CD46: variants seen among roughly 807,000 people sequenced by gnomAD.
CD46 encodes the protein membrane cofactor protein.
A neutral mutation model predicts 53.3 loss-of-function variants in CD46; 30 were observed. The observed-to-expected ratio is 0.56, with a 90% CI of 0.42 to 0.76. The LOEUF is 0.76. Among genes scored for constraint, CD46 ranks in the 30% least tolerant of loss-of-function variants. The probability of loss-of-function intolerance (pLI) is 0.00; values close to 1 mark genes in which losing one functional copy is unlikely to be tolerated. For synonymous variants in CD46, 142 were observed against 152.0 expected (o/e 0.93, Z 0.48); for missense variants, 409 against 463.0 (o/e 0.88, Z 1.07).
At chr1:207,756,144 A>G (rs1340679810) in intron 1 of CD46, among the ~76,000 whole-genome samples, 2 of 152,166 alleles carry the variant, frequency 1.3e-5, no homozygotes, top group African/African-American at 2.4e-5. Context: ...TGTAGCTACC[A>G]GCCAGGGAGG....
intron 1 of CD46, 94 bp from the exon 2 acceptor site, chr1:207,756,920 T>C: frequency 9.4e-7 from 1 of 1,061,518 alleles, no homozygotes; most frequent in Non-Finnish European, 1.5e-6. Flanking sequence ...GGCCTTTCTG[T>C]TTTTTCTGTA....
intron 8 of CD46, among the ~76,000 whole-genome samples, chr1:207,779,355 C>T (rs1658462519): frequency 6.6e-6 from 1 of 152,050 alleles, no homozygotes; most frequent in Non-Finnish European, 1.5e-5. Context: ...TTGGTGTTTT[C>T]TCTTTTCTTA....
At chr1:207,766,053 A>T (rs1656808462) in intron 5 of CD46, among the ~76,000 whole-genome samples, 1 of 152,216 alleles carries the variant, frequency 6.6e-6, no homozygotes, top group African/African-American at 2.4e-5. Flanking sequence ...TACTAAGAAG[A>T]CTGTAATTTC....
intron 8 of CD46, among the ~76,000 whole-genome samples, chr1:207,780,404 G>C (rs777662548): frequency 1.3e-5 from 2 of 152,058 alleles, no homozygotes; most frequent in African/African-American, 2.4e-5. Context: ...CTGAATAATA[G>C]TTCGTTATAT....
At position 207,767,090 on chromosome 1, in the gene CD46, A is replaced by G. The variant is rs1263127363; in HGVS notation, c.751A>G (p.Thr251Ala). 3 of 1,613,742 alleles carry G rather than the reference A, an allele frequency of 1.9e-6. No homozygotes were observed. The highest frequency in any genetic ancestry group is 4.5e-5 in the East Asian group (2 of 44,858). ...GFGKKFYYKA[T>A]VMFECDKGFY... ...TGGAAAAAAATTTTACTACAAAGCAACAGTTATGTTTGAATGCGATAAGGG... is the reference window on the plus strand; with the variant it reads ...TGGAAAAAAATTTTACTACAAAGCAGCAGTTATGTTTGAATGCGATAAGGG... Residue 251 changes from threonine (T) to alanine (A), a missense_variant, in exon 6 of 13, where the codon ACA (threonine) becomes GCA (alanine). Transcript: ENST00000367042.
Position 207,770,199 on chromosome 1 carries a change from CA to C in CD46, c.902-119del, listed in dbSNP as rs1484484266. The C allele has an allele frequency of 9.3e-6, 7 of 755,914 alleles. No individual in the cohort carries two copies. In the African/African-American group the frequency reaches 1.2e-4, roughly 13 times the overall value. The allele number at this position is 755,914 out of a possible 1,614,324, so 46.8% of individuals were successfully genotyped here. ...GGTTAAATTCTAAGATGTGGAATTG[CA>C]AAGTTTGTAAAGTGTGTAGTTTTCA... On this transcript the variant is annotated intron_variant, in intron 7 of 12. Transcript: ENST00000367042.
intron 8 of CD46, among the ~76,000 whole-genome samples, chr1:207,781,679 C>T (rs41317963): frequency 3.3e-5 from 5 of 152,290 alleles, no homozygotes; most frequent in African/African-American, 1.2e-4. Flanking sequence ...AGAAGAGACT[C>T]CCTTTCCCCA....
chr1:207,767,828 AGT>A lies in CD46; in HGVS notation c.901+6_901+7del. ...CTCCAGCGTCCAGTGCCTCAGGTTT[AGT>A]AATTTCCTGCTTATAGTTTTTCAAA... On this transcript the variant is annotated splice_donor_region_variant and intron_variant, in intron 7 of 12. Coordinates refer to ENST00000367042, the MANE Select transcript of CD46 (RefSeq NM_172351.3). 1 of 1,602,486 alleles carries A rather than the reference AGT, an allele frequency of 6.2e-7. No individual in the cohort carries two copies. Among genetic ancestry groups the A allele is most frequent in the East Asian group, 2.2e-5 (1 of 44,750 alleles).
chr1:207,776,623 A>G (rs1658141973), intron 8 of CD46, among the ~76,000 whole-genome samples: 2 of 151,980 alleles, frequency 1.3e-5, no homozygotes, highest in South Asian at 4.1e-4. Flanking sequence ...CTTGGTTTTT[A>G]GTTGTTTTTG....
intron 5 of CD46, among the ~76,000 whole-genome samples, chr1:207,764,977 A>G (rs916809758): frequency 6.6e-6 from 1 of 152,226 alleles, no homozygotes; most frequent in African/African-American, 2.4e-5. Flanking sequence ...TACGAAAACC[A>G]GAAAACAAAA....
chr1:207,754,391 C>A (rs992233231), intron 1 of CD46, among the ~76,000 whole-genome samples: 1 of 152,126 alleles, frequency 6.6e-6, no homozygotes, highest in African/African-American at 2.4e-5. Context: ...CGCGACCCCC[C>A]CATCTCAGGT....
At chr1:207,786,275 A>T (rs1475701854) in intron 11 of CD46, among the ~76,000 whole-genome samples, 3 of 152,190 alleles carry the variant, frequency 2.0e-5, no homozygotes, top group Non-Finnish European at 4.4e-5. Flanking sequence ...GATTGCAGTA[A>T]AACTGATAGG....
chr1:207,763,453 T>A (rs560339500), intron 5 of CD46, among the ~76,000 whole-genome samples: 6 of 152,134 alleles, frequency 3.9e-5, no homozygotes. Flanking sequence ...GAGCTAGGGC[T>A]CTCCTCAAGG....
intron 1 of CD46, among the ~76,000 whole-genome samples, chr1:207,755,515 G>A (rs1655432049): frequency 6.6e-6 from 1 of 152,216 alleles, no homozygotes; most frequent in Non-Finnish European, 1.5e-5. Flanking sequence ...GATAGTTGAA[G>A]GAAACATGTA....
In CD46 at chr1:207,767,745, T is replaced by G. The variant is rs1250586319; in HGVS notation, c.857-34T>G. On this transcript the variant is annotated intron_variant, in intron 6 of 12. Transcript: ENST00000367042. Reference sequence around the variant, plus strand: ...ATTGCCAGCAATAACTCCCAAGTGTTTGGTCCAATCTACATTATTATTTTG... The same window carrying G: ...ATTGCCAGCAATAACTCCCAAGTGTGTGGTCCAATCTACATTATTATTTTG... 8 of 1,606,098 alleles carry G rather than the reference T, an allele frequency of 5.0e-6. No homozygotes were observed. The East Asian group carries it at 1.8e-4, about 36-fold the overall frequency.
chr1:207,778,984 T>C (rs1658425585), intron 8 of CD46, among the ~76,000 whole-genome samples: 1 of 152,196 alleles, frequency 6.6e-6, no homozygotes, highest in African/African-American at 2.4e-5. Flanking sequence ...TAATTCTCAT[T>C]GCAGAGATGT....
intron 8 of CD46, among the ~76,000 whole-genome samples, chr1:207,779,899 T>C (rs2724391): frequency 0.59 from 79,542 of 135,420 alleles, 24,114 homozygotes; most frequent in East Asian, 0.87. Flanking sequence ...TCTATTCTTG[T>C]AGCAAAAGCA....
intron 8 of CD46, among the ~76,000 whole-genome samples, chr1:207,779,681 A>C (rs571879249): frequency 3.4e-4 from 52 of 152,150 alleles, no homozygotes; most frequent in Admixed American, 6.5e-4. Context: ...CACTTAAATC[A>C]TTAGTAAATC....
In CD46 at chr1:207,783,340, G is replaced by T; in HGVS notation, c.982+10G>T. On this transcript the variant is annotated intron_variant, in intron 9 of 12. Coordinates refer to ENST00000367042, the MANE Select transcript of CD46 (RefSeq NM_172351.3). The stretch of plus-strand genomic sequence containing the variant: ...ATACTTGACAGTTTGGGTTGGTATA[G>T]CTATCATGACAAATATAAGTGGTAG... 1 of 1,529,084 alleles carries T rather than the reference G, an allele frequency of 6.5e-7. No individual in the cohort carries two copies. The highest frequency in any genetic ancestry group is 1.4e-5 in the African/African-American group (1 of 73,248). 94.7% of individuals were successfully genotyped at this position (1,529,084 alleles called of 1,614,324 possible). A position where few individuals can be genotyped will look rare whatever the true frequency, so the allele number is the denominator to read the frequency against.
Sources: allele counts gnomAD v4.1 joint callset (sites outside exome capture counted in the v4.1 genomes callset), GRCh38; gene constraint gnomAD v4.1.1; transcripts MANE v1.5; gene names NCBI Gene and HGNC (gene_info 2026-07-23, HGNC 2026-07-21).